Variants in KCND2 observed in about 807,000 individuals in gnomAD.
KCND2 encodes the protein A-type voltage-gated potassium channel KCND2.
Under a neutral mutation model 54.4 loss-of-function variants are expected in KCND2, and 16 were observed. That is an observed-to-expected ratio of 0.29 (90% CI 0.20 to 0.45). KCND2 has a LOEUF of 0.45. Among genes scored for constraint, KCND2 ranks in the 20% least tolerant of loss-of-function variants. The probability of loss-of-function intolerance (pLI) is 1.00; values close to 1 mark genes in which losing one functional copy is unlikely to be tolerated. For missense variants in KCND2, 486 were observed against 824.2 expected (o/e 0.59, Z 5.02); for synonymous variants, 317 against 310.7 (o/e 1.02, Z -0.21).
intron 1 of KCND2, among the ~76,000 whole-genome samples, chr7:120,312,722 A>C (rs1799756587): frequency 6.6e-6 from 1 of 152,156 alleles, no homozygotes; most frequent in Non-Finnish European, 1.5e-5. Context: ...GAGCATAAAG[A>C]GGCATTATCA....
At chr7:120,442,569 A>G (rs1036740797) in intron 1 of KCND2, among the ~76,000 whole-genome samples, 3 of 152,148 alleles carry the variant, frequency 2.0e-5, no homozygotes, top group African/African-American at 4.8e-5. Context: ...TTGAAGCAAT[A>G]TATAAATAAA....
chr7:120,481,832 G>C (rs1382699210), intron 1 of KCND2, among the ~76,000 whole-genome samples: 1 of 152,214 alleles, frequency 6.6e-6, no homozygotes, highest in East Asian at 1.9e-4. Flanking sequence ...GAGCTATGGG[G>C]ACATAGCTAC....
chr7:120,356,100 C>T (rs992108659), intron 1 of KCND2, among the ~76,000 whole-genome samples: 3 of 151,982 alleles, frequency 2.0e-5, no homozygotes, highest in Non-Finnish European at 4.4e-5. Flanking sequence ...AAGGACAAAC[C>T]AGTCTCGATG....
At chr7:120,725,412 C>T (rs897768360) in intron 1 of KCND2, among the ~76,000 whole-genome samples, 6 of 152,116 alleles carry the variant, frequency 3.9e-5, no homozygotes, top group African/African-American at 1.4e-4. Context: ...TTTTTGGAAA[C>T]ACCTTGAAAA....
Position 120,274,842 on chromosome 7 carries a change from T to C in KCND2, c.210T>C (p.Ser70=). ...ERYPDTLLGS[S]ERDFFYHPET... Reference sequence around the variant, plus strand: ...ACCCAGACACTCTACTGGGCAGTTCTGAGAGGGACTTTTTCTACCACCCAG... The same window carrying C: ...ACCCAGACACTCTACTGGGCAGTTCCGAGAGGGACTTTTTCTACCACCCAG... The change falls in exon 1 of 6, where the codon TCT becomes TCC. Residue 70 remains serine, a synonymous_variant. Transcript: ENST00000331113. The C allele has an allele frequency of 1.9e-6, 3 of 1,614,144 alleles. No homozygotes were observed. Among genetic ancestry groups the C allele is most frequent in the Non-Finnish European group, 2.5e-6 (3 of 1,180,030 alleles).
chr7:120,676,025 A>C (rs1261025934), intron 1 of KCND2, among the ~76,000 whole-genome samples: 37 of 151,590 alleles, frequency 2.4e-4, no homozygotes, highest in Admixed American at 2.4e-3. Context: ...TTTAATAGAG[A>C]CGAGGTTTGG....
At chr7:120,423,356 A>G (rs188719492) in intron 1 of KCND2, among the ~76,000 whole-genome samples, 2 of 152,330 alleles carry the variant, frequency 1.3e-5, no homozygotes, top group Admixed American at 1.3e-4. Flanking sequence ...CAATTTATTC[A>G]TCAGTTCAAA....
At chr7:120,327,950 A>G (rs916305006) in intron 1 of KCND2, among the ~76,000 whole-genome samples, 2 of 152,228 alleles carry the variant, frequency 1.3e-5, no homozygotes, top group South Asian at 4.1e-4. Flanking sequence ...CATAGCAACT[A>G]TGTCCCTAAA....
At chr7:120,695,147 A>G (rs929178587) in intron 1 of KCND2, among the ~76,000 whole-genome samples, 2 of 151,894 alleles carry the variant, frequency 1.3e-5, no homozygotes, top group African/African-American at 2.4e-5. Context: ...ATTTTGTTTT[A>G]TAAAAATCGA....
intron 1 of KCND2, among the ~76,000 whole-genome samples, chr7:120,702,161 A>G (rs1004047343): frequency 6.6e-6 from 1 of 152,202 alleles, no homozygotes; most frequent in African/African-American, 2.4e-5. Flanking sequence ...AAAAGAAGAC[A>G]TACATGTGAC....
chr7:120,550,965 A>C (rs1419366140), intron 1 of KCND2, among the ~76,000 whole-genome samples: 2 of 152,208 alleles, frequency 1.3e-5, no homozygotes, highest in Non-Finnish European at 2.9e-5. Context: ...TGTTATGTTG[A>C]AAGTCCACAA....
At chr7:120,309,628 T>TCCA (rs991434658) in intron 1 of KCND2, among the ~76,000 whole-genome samples, 2 of 151,580 alleles carry the variant, frequency 1.3e-5, no homozygotes, top group African/African-American at 4.8e-5. Flanking sequence ...CTCACAAATA[T>TCCA]TAACTCATAT....
intron 1 of KCND2, among the ~76,000 whole-genome samples, chr7:120,654,579 C>A (rs1412453704): frequency 6.6e-6 from 1 of 152,058 alleles, no homozygotes; most frequent in Non-Finnish European, 1.5e-5. Context: ...AAATATTCAA[C>A]AAGATGGGGG....
At chr7:120,309,474 T>TATATATATACAC (rs1257702636) in intron 1 of KCND2, among the ~76,000 whole-genome samples, 9 of 113,274 alleles carry the variant, frequency 7.9e-5, no homozygotes, top group African/African-American at 3.0e-4. Flanking sequence ...TATATATATA[T>TATATATATACAC]ACACACACAC....
intron 1 of KCND2, among the ~76,000 whole-genome samples, chr7:120,320,385 C>T (rs1003579191): frequency 1.3e-5 from 2 of 152,056 alleles, no homozygotes; most frequent in African/African-American, 4.8e-5. Flanking sequence ...CAGGGACTAG[C>T]AGATGTGAAA....
At chr7:120,425,171 G>A (rs1801689110) in intron 1 of KCND2, among the ~76,000 whole-genome samples, 1 of 151,716 alleles carries the variant, frequency 6.6e-6, no homozygotes, top group African/African-American at 2.4e-5. Context: ...TATAACAGGT[G>A]CAAACTGAGC....
At chr7:120,649,501 T>C (rs1401773304) in intron 1 of KCND2, among the ~76,000 whole-genome samples, 2 of 152,240 alleles carry the variant, frequency 1.3e-5, no homozygotes, top group Non-Finnish European at 2.9e-5. Flanking sequence ...TTTCTTTTGC[T>C]GTGCAGAAGC....
At chr7:120,391,598 T>A (rs189381610) in intron 1 of KCND2, among the ~76,000 whole-genome samples, 1 of 152,278 alleles carries the variant, frequency 6.6e-6, no homozygotes, top group East Asian at 1.9e-4. Context: ...GACTTTTGAA[T>A]GATCACCATT....
chr7:120,331,212 A>G (rs1447713511), intron 1 of KCND2, among the ~76,000 whole-genome samples: 5 of 152,226 alleles, frequency 3.3e-5, no homozygotes, highest in African/African-American at 9.6e-5. Flanking sequence ...AATTAGAAAG[A>G]TAGTCATGTT....
Sources: gnomAD v4.1 joint callset for allele counts (sites outside exome capture counted in the v4.1 genomes callset) on GRCh38, gnomAD v4.1.1 for gene constraint, MANE v1.5 for transcripts, NCBI Gene and HGNC (gene_info 2026-07-23, HGNC 2026-07-21) for gene names.